DLG2: variants seen among roughly 807,000 people sequenced by gnomAD.
DLG2 encodes discs large MAGUK scaffold protein 2.
A neutral mutation model predicts 132.5 loss-of-function variants in DLG2; 45 were observed. The ratio of observed to expected loss-of-function variants is 0.34; its 90% CI spans 0.27 to 0.44. The LOEUF (loss-of-function observed/expected upper bound fraction) is 0.44, where lower values mean the gene tolerates loss of function less well. Among genes scored for constraint, DLG2 ranks in the 20% least tolerant of loss-of-function variants. The probability of loss-of-function intolerance (pLI) is 1.00; values close to 1 mark genes in which losing one functional copy is unlikely to be tolerated. For synonymous variants in DLG2, 424 were observed against 419.6 expected, an observed-to-expected ratio of 1.01 and a Z score of -0.13; for missense variants, 1,045 against 1,196.9, an observed-to-expected ratio of 0.87 and a Z score of 1.87.
chr11:84,711,111 T>C (rs1040580694), intron 6 of DLG2, among the ~76,000 whole-genome samples: 2 of 150,984 alleles, frequency 1.3e-5, no homozygotes, highest in Non-Finnish European at 3.0e-5. Flanking sequence ...TCTGGAAGTA[T>C]AATCTGTGAC....
chr11:83,589,886 G>C (rs1183253832), intron 19 of DLG2, among the ~76,000 whole-genome samples: 1 of 144,078 alleles, frequency 6.9e-6, no homozygotes, highest in Non-Finnish European at 1.5e-5. Context: ...GATCAAAAGA[G>C]ACAAAGAAGG....
chr11:83,506,076 T>C (rs1430635869), intron 21 of DLG2, among the ~76,000 whole-genome samples: 2 of 152,184 alleles, frequency 1.3e-5, no homozygotes, highest in African/African-American at 2.4e-5. Context: ...GCCCACTCTA[T>C]GGCTAGATGG....
chr11:84,966,100 A>C (rs2053283931), intron 6 of DLG2, among the ~76,000 whole-genome samples: 1 of 151,994 alleles, frequency 6.6e-6, no homozygotes, highest in Non-Finnish European at 1.5e-5. Flanking sequence ...TGTATGTTGT[A>C]TACTATCTAG....
intron 5 of DLG2, among the ~76,000 whole-genome samples, chr11:85,112,072 A>C (rs768028636): frequency 1.3e-5 from 2 of 152,086 alleles, no homozygotes; most frequent in Admixed American, 6.6e-5. Context: ...ATCAACCCTG[A>C]AACATGCTGT....
rs1394962189 is a variant in DLG2 at position 83,648,265 on chromosome 11, A to G, written c.1826-14940T>C. 2.0e-5 allele frequency among the ~76,000 whole-genome samples: 3 copies of G among 152,168 alleles called. No homozygotes were observed. The East Asian group carries it at 5.8e-4, about 29-fold the overall frequency. On this transcript the variant is annotated intron_variant, in intron 18 of 27. Coordinates refer to ENST00000376104, the MANE Select transcript of DLG2 (RefSeq NM_001142699.3). Reference sequence around the variant, plus strand: ...GGAAGTACAAAGAGGATGGTGCTTAAGAAGAGTTAACACCTAGACCTAATC... The same window carrying G: ...GGAAGTACAAAGAGGATGGTGCTTAGGAAGAGTTAACACCTAGACCTAATC...
chr11:84,785,718 T>A (rs1258359685), intron 6 of DLG2, among the ~76,000 whole-genome samples: 35 of 152,102 alleles, frequency 2.3e-4, no homozygotes, highest in Admixed American at 2.3e-3. Flanking sequence ...AAATAATATC[T>A]TTATGAAATC....
chr11:84,799,577 G>C (rs1172463900), intron 6 of DLG2, among the ~76,000 whole-genome samples: 1 of 152,190 alleles, frequency 6.6e-6, no homozygotes, highest in Non-Finnish European at 1.5e-5. Flanking sequence ...ACAATCAGTG[G>C]AGGCTTCTTT....
intron 17 of DLG2, among the ~76,000 whole-genome samples, chr11:83,827,349 C>A (rs752231127): frequency 6.6e-6 from 1 of 152,098 alleles, no homozygotes; most frequent in Non-Finnish European, 1.5e-5. Flanking sequence ...AGAGTCCTGG[C>A]AAATCAAGTC....
At position 84,193,900 on chromosome 11, in the gene DLG2, A is replaced by G. The variant is rs578040661; in HGVS notation, c.574-30389T>C. On this transcript the variant is annotated intron_variant, in intron 8 of 27. Transcript: ENST00000376104. ...GGGGTGTTGTTGTTTCACTTCCTCA[A>G]AATAAGAATCCTACATTACCACAGA... Among the ~76,000 whole-genome samples the G allele has an allele frequency of 1.4e-4, 22 of 152,290 alleles. 1 individual carries two copies. The East Asian group carries it at 3.3e-3, about 23-fold the overall frequency.
chr11:85,484,636 T>A (rs2093385176), intron 3 of DLG2, among the ~76,000 whole-genome samples: 1 of 151,930 alleles, frequency 6.6e-6, no homozygotes, highest in African/African-American at 2.4e-5. Context: ...GAAATGCAAA[T>A]CAAAACCACA....
intron 9 of DLG2, among the ~76,000 whole-genome samples, chr11:84,148,680 T>C (rs2095180198): frequency 6.6e-6 from 1 of 152,136 alleles, no homozygotes. Flanking sequence ...GATAAATATA[T>C]AGGAGCATGT....
At chr11:84,493,552 G>T (rs2099170996) in intron 7 of DLG2, among the ~76,000 whole-genome samples, 1 of 152,000 alleles carries the variant, frequency 6.6e-6, no homozygotes, top group Non-Finnish European at 1.5e-5. Flanking sequence ...TACTGTAGTA[G>T]TCAGAAAAAT....
At chr11:83,739,753 G>A (rs928242096) in intron 18 of DLG2, among the ~76,000 whole-genome samples, 1 of 152,126 alleles carries the variant, frequency 6.6e-6, no homozygotes, top group Non-Finnish European at 1.5e-5. Flanking sequence ...AAGACTGAAA[G>A]GTAGACAGAA....
chr11:84,863,497 TTTC>T (rs1381345511), intron 6 of DLG2, among the ~76,000 whole-genome samples: 1 of 152,206 alleles, frequency 6.6e-6, no homozygotes, highest in African/African-American at 2.4e-5. Flanking sequence ...ATTAATTTTA[TTTC>T]TTATTATTTA....
At chr11:83,873,786 C>A (rs190183759) in intron 16 of DLG2, among the ~76,000 whole-genome samples, 3 of 152,204 alleles carry the variant, frequency 2.0e-5, no homozygotes, top group African/African-American at 7.2e-5. Flanking sequence ...ATGCTTCAGT[C>A]CTCAGCTCAA....
intron 4 of DLG2, among the ~76,000 whole-genome samples, chr11:85,154,998 C>A (rs945903708): frequency 6.6e-6 from 1 of 152,194 alleles, no homozygotes; most frequent in Non-Finnish European, 1.5e-5. Flanking sequence ...TATATAAGTT[C>A]TCATGCTTGG....
chr11:83,476,538 T>C (rs2092629983), intron 22 of DLG2, among the ~76,000 whole-genome samples: 1 of 152,168 alleles, frequency 6.6e-6, no homozygotes, highest in Non-Finnish European at 1.5e-5. Context: ...GCAAATTGTC[T>C]CCATAGGATG....
chr11:85,200,367 G>A (rs2081374542), intron 4 of DLG2, among the ~76,000 whole-genome samples: 1 of 152,204 alleles, frequency 6.6e-6, no homozygotes, highest in African/African-American at 2.4e-5. Context: ...TTATCCAGTG[G>A]CTCAGCTCCA....
At chr11:85,271,900 T>A (rs1179441744) in intron 4 of DLG2, among the ~76,000 whole-genome samples, 2 of 152,204 alleles carry the variant, frequency 1.3e-5, no homozygotes, top group Non-Finnish European at 2.9e-5. Context: ...TTGGACTGTG[T>A]ACTTTTGAGT....
Sources: allele counts gnomAD v4.1 joint callset (sites outside exome capture counted in the v4.1 genomes callset), GRCh38; gene constraint gnomAD v4.1.1; transcripts MANE v1.5; gene names NCBI Gene and HGNC (gene_info 2026-07-23, HGNC 2026-07-21).